The following KHDRBS2 variants were observed in gnomAD, a reference collection of about 807,000 sequenced individuals.
KHDRBS2 encodes the protein KH RNA binding domain containing, signal transduction associated 2, also known as KH domain-containing, RNA-binding, signal transduction-associated protein 2.
A neutral mutation model predicts 44.3 loss-of-function variants in KHDRBS2; 26 were observed. The ratio of observed to expected loss-of-function variants is 0.59; its 90% CI spans 0.43 to 0.81. KHDRBS2 has a LOEUF of 0.81. KHDRBS2 is among the 40% of genes least tolerant of loss of function. KHDRBS2 has a pLI of 0.00. For missense variants in KHDRBS2, 476 were observed against 433.1 expected (o/e 1.10, Z -0.88); for synonymous variants, 194 against 151.1 (o/e 1.28, Z -2.08).
At chr6:62,161,399 T>C (rs1817589482) in intron 2 of KHDRBS2, among the ~76,000 whole-genome samples, 1 of 151,356 alleles carries the variant, frequency 6.6e-6, no homozygotes, top group African/African-American at 2.4e-5. Flanking sequence ...TAATATCCAA[T>C]AAAGTATAAC....
At chr6:61,602,821 G>C in the KHDRBS2 span, among the ~76,000 whole-genome samples, 1 of 151,998 alleles carries the variant, frequency 6.6e-6, no homozygotes, top group Non-Finnish European at 1.5e-5. Context: ...ACTCTTTTAA[G>C]CACTCCTTTT....
the KHDRBS2 span, among the ~76,000 whole-genome samples, chr6:61,659,512 C>A: frequency 5.3e-5 from 8 of 151,722 alleles, no homozygotes; most frequent in African/African-American, 1.7e-4. Context: ...AGTGATATAA[C>A]AAAGGGAAAG....
At chr6:62,276,686 T>G (rs772095293) in intron 1 of KHDRBS2, among the ~76,000 whole-genome samples, 1 of 152,240 alleles carries the variant, frequency 6.6e-6, no homozygotes, top group Admixed American at 6.5e-5. Flanking sequence ...TATTTTATGA[T>G]ATCATATAAT....
At chr6:62,277,417 C>T (rs1278898300) in intron 1 of KHDRBS2, among the ~76,000 whole-genome samples, 1 of 152,128 alleles carries the variant, frequency 6.6e-6, no homozygotes, top group Non-Finnish European at 1.5e-5. Flanking sequence ...TCTCGGCTCA[C>T]TGCAACCTCC....
chr6:61,566,463 C>T, the KHDRBS2 span, among the ~76,000 whole-genome samples: 3 of 152,270 alleles, frequency 2.0e-5, no homozygotes, highest in African/African-American at 7.2e-5. Context: ...CTGATTTGAT[C>T]ATTACACATT....
At chr6:62,053,808 T>G (rs1452583257) in intron 2 of KHDRBS2, among the ~76,000 whole-genome samples, 1 of 151,962 alleles carries the variant, frequency 6.6e-6, no homozygotes. Context: ...TATATAATTA[T>G]ATACATAGAA....
chr6:61,653,833 C>T, the KHDRBS2 span, among the ~76,000 whole-genome samples: 25 of 151,766 alleles, frequency 1.6e-4, no homozygotes, highest in Admixed American at 1.2e-3. Context: ...TGTAATAGGA[C>T]GGGTATACAG....
At chr6:61,862,373 C>T (rs1797116205) in intron 6 of KHDRBS2, among the ~76,000 whole-genome samples, 1 of 152,032 alleles carries the variant, frequency 6.6e-6, no homozygotes, top group South Asian at 2.1e-4. Flanking sequence ...GGAGTGGTGA[C>T]AGAGGGCATG....
At chr6:61,663,500 CATATATATATAT>C in the KHDRBS2 span, among the ~76,000 whole-genome samples, 31 of 35,966 alleles carry the variant, frequency 8.6e-4, 7 homozygotes, top group Admixed American at 0.012. Context: ...CATGAGACAC[CATATATATATAT>C]ATATATATAT....
chr6:61,566,452 C>T, the KHDRBS2 span, among the ~76,000 whole-genome samples: 1 of 152,176 alleles, frequency 6.6e-6, no homozygotes. Context: ...TCCCAATTAC[C>T]CTGATTTGAT....
intron 1 of KHDRBS2, among the ~76,000 whole-genome samples, chr6:62,254,686 G>A (rs910197121): frequency 7.9e-5 from 12 of 151,982 alleles, no homozygotes; most frequent in Non-Finnish European, 1.5e-4. Context: ...TGGAATGAAC[G>A]TGGTATGAAA....
At chr6:61,741,396 C>T (rs1375117330) in intron 6 of KHDRBS2, among the ~76,000 whole-genome samples, 1 of 151,950 alleles carries the variant, frequency 6.6e-6, no homozygotes, top group Non-Finnish European at 1.5e-5. Context: ...AAACATCTCA[C>T]CACATATTTT....
intron 4 of KHDRBS2, among the ~76,000 whole-genome samples, chr6:61,974,066 T>C (rs1771982045): frequency 6.6e-6 from 1 of 152,234 alleles, no homozygotes; most frequent in Non-Finnish European, 1.5e-5. Flanking sequence ...TTTCTAATTA[T>C]GAGACAATGT....
chr6:61,954,370 C>T (rs1222446541), intron 4 of KHDRBS2, among the ~76,000 whole-genome samples: 2 of 54,924 alleles, frequency 3.6e-5, no homozygotes, highest in Admixed American at 2.3e-4. Flanking sequence ...TACATATATA[C>T]GTATGTATGC....
the KHDRBS2 span, among the ~76,000 whole-genome samples, chr6:61,634,302 C>T: frequency 6.6e-6 from 1 of 151,908 alleles, no homozygotes; most frequent in African/African-American, 2.4e-5. Context: ...TTTTGGGACC[C>T]TTGGAAACCA....
At chr6:61,585,623 A>G in the KHDRBS2 span, among the ~76,000 whole-genome samples, 4 of 152,120 alleles carry the variant, frequency 2.6e-5, no homozygotes, top group Admixed American at 2.0e-4. Context: ...GAAGCATTAT[A>G]AAGTCCTGAA....
At chr6:61,975,731 GAA>G (rs1189169102) in intron 4 of KHDRBS2, among the ~76,000 whole-genome samples, 2 of 151,804 alleles carry the variant, frequency 1.3e-5, no homozygotes, top group East Asian at 3.9e-4. Context: ...GAAAATAAGT[GAA>G]AAGGACTAAG....
chr6:62,219,225 G>A (rs1830490376), intron 1 of KHDRBS2, among the ~76,000 whole-genome samples: 1 of 147,078 alleles, frequency 6.8e-6, no homozygotes, highest in South Asian at 2.1e-4. Context: ...TAATGAACTT[G>A]GAGATTTTGT....
At chr6:61,600,519 C>T in the KHDRBS2 span, among the ~76,000 whole-genome samples, 8 of 152,162 alleles carry the variant, frequency 5.3e-5, no homozygotes, top group South Asian at 8.3e-4. Context: ...AGCCACACCC[C>T]TATCTCCCTT....
Sources: allele counts gnomAD v4.1 joint callset (sites outside exome capture counted in the v4.1 genomes callset), GRCh38; gene constraint gnomAD v4.1.1; transcripts MANE v1.5; gene names NCBI Gene and HGNC (gene_info 2026-07-23, HGNC 2026-07-21).